The following MPPED2 variants were observed in gnomAD, a reference collection of about 807,000 sequenced individuals.
MPPED2 encodes metallophosphoesterase domain containing 2.
A neutral mutation model predicts 33.0 loss-of-function variants in MPPED2; 5 were observed. The ratio of observed to expected loss-of-function variants is 0.15; its 90% CI spans 0.08 to 0.32. The LOEUF (loss-of-function observed/expected upper bound fraction) is 0.32. Among genes scored for constraint, MPPED2 ranks in the 10% least tolerant of loss-of-function variants. The pLI is 1.00. For synonymous variants in MPPED2, 136 were observed against 141.9 expected (o/e 0.96, Z 0.29); for missense variants, 275 against 372.1 (o/e 0.74, Z 2.15).
chr11:30,497,879 T>C (rs551221502), intron 3 of MPPED2, among the ~76,000 whole-genome samples: 5 of 152,294 alleles, frequency 3.3e-5, no homozygotes, highest in African/African-American at 7.2e-5. Context: ...AACAAACTCA[T>C]CTTTTTCCGA....
rs562895013 is a variant in MPPED2 at position 30,448,015 on chromosome 11, A to G, written c.537-30382T>C. Among the ~76,000 whole-genome samples, 9 of 152,192 alleles carry G rather than the reference A, an allele frequency of 5.9e-5. No homozygotes were observed. In the East Asian group the frequency reaches 1.7e-3, roughly 29 times the overall value. Reference sequence around the variant, plus strand: ...CAGGGAGTTTACAAAACTGAAGCCCACTCTGAGATGTTTTCAGAGAGAAGC... The same window carrying G: ...CAGGGAGTTTACAAAACTGAAGCCCGCTCTGAGATGTTTTCAGAGAGAAGC... On this transcript the variant is annotated intron_variant, in intron 4 of 6. Transcript: ENST00000358117.
chr11:30,444,113 C>A (rs930601331), intron 4 of MPPED2, among the ~76,000 whole-genome samples: 1 of 152,168 alleles, frequency 6.6e-6, no homozygotes, highest in Non-Finnish European at 1.5e-5. Context: ...AAGCAAATGG[C>A]TATTCACTGG....
chr11:30,448,067 G>T (rs1415708375), intron 4 of MPPED2, among the ~76,000 whole-genome samples: 1 of 152,186 alleles, frequency 6.6e-6, no homozygotes, highest in African/African-American at 2.4e-5. Context: ...GGAAATCCCT[G>T]TCTGTTGTCA....
At chr11:30,506,383 T>C (rs1210880156) in intron 3 of MPPED2, among the ~76,000 whole-genome samples, 3 of 152,178 alleles carry the variant, frequency 2.0e-5, no homozygotes, top group East Asian at 3.9e-4. Flanking sequence ...TTTTGCAGTG[T>C]AACTTAGATC....
At chr11:30,556,067 A>G (rs1955949165) in intron 2 of MPPED2, among the ~76,000 whole-genome samples, 2 of 152,210 alleles carry the variant, frequency 1.3e-5, no homozygotes, top group South Asian at 4.1e-4. Flanking sequence ...TCCATGACTT[A>G]CGAGAGTGAG....
chr11:30,435,187 G>A (rs897206550), intron 4 of MPPED2, among the ~76,000 whole-genome samples: 8 of 152,152 alleles, frequency 5.3e-5, no homozygotes, highest in African/African-American at 1.4e-4. Context: ...TTTAGAAGGC[G>A]AGGGACCAGA....
At chr11:30,543,040 A>G (rs1955213895) in intron 2 of MPPED2, among the ~76,000 whole-genome samples, 1 of 152,208 alleles carries the variant, frequency 6.6e-6, no homozygotes, top group South Asian at 2.1e-4. Flanking sequence ...TGGATAATTT[A>G]CATGAGAAGT....
At chr11:30,482,057 T>C (rs1361125493) in intron 4 of MPPED2, among the ~76,000 whole-genome samples, 2 of 152,162 alleles carry the variant, frequency 1.3e-5, no homozygotes, top group African/African-American at 2.4e-5. Flanking sequence ...CAATTACTCA[T>C]AGACACACAT....
intron 4 of MPPED2, among the ~76,000 whole-genome samples, chr11:30,452,823 C>T (rs1446610549): frequency 6.6e-6 from 1 of 151,940 alleles, no homozygotes; most frequent in Non-Finnish European, 1.5e-5. Flanking sequence ...TCTCTGCCAA[C>T]ATTATTCTAC....
intron 4 of MPPED2, among the ~76,000 whole-genome samples, chr11:30,482,625 G>A (rs890304316): frequency 6.6e-6 from 1 of 151,896 alleles, no homozygotes; most frequent in Non-Finnish European, 1.5e-5. Context: ...TTTTGGTCTC[G>A]TTCAGATTAT....
intron 3 of MPPED2, among the ~76,000 whole-genome samples, chr11:30,521,571 A>G (rs1249456813): frequency 6.6e-6 from 1 of 152,198 alleles, no homozygotes; most frequent in Non-Finnish European, 1.5e-5. Flanking sequence ...AAACAAACCT[A>G]GTTTATTTGA....
chr11:30,446,432 G>T (rs1949811575), intron 4 of MPPED2, among the ~76,000 whole-genome samples: 1 of 152,052 alleles, frequency 6.6e-6, no homozygotes, highest in Non-Finnish European at 1.5e-5. Context: ...AAAAGTGCCA[G>T]ATGTTAGTAG....
At chr11:30,512,695 T>C (rs1251659439) in intron 3 of MPPED2, among the ~76,000 whole-genome samples, 4 of 152,178 alleles carry the variant, frequency 2.6e-5, no homozygotes, top group African/African-American at 9.6e-5. Flanking sequence ...TTCCAAATTA[T>C]GTACAAGTTA....
At chr11:30,477,374 TTA>T (rs1429071467) in intron 4 of MPPED2, among the ~76,000 whole-genome samples, 1 of 152,142 alleles carries the variant, frequency 6.6e-6, no homozygotes, top group Non-Finnish European at 1.5e-5. Context: ...TAGTCTTTTA[TTA>T]AACTGATGAA....
intron 2 of MPPED2, among the ~76,000 whole-genome samples, chr11:30,541,362 A>G (rs373805805): frequency 2.7e-4 from 41 of 152,284 alleles, no homozygotes; most frequent in African/African-American, 9.1e-4. Flanking sequence ...AAATGAATAC[A>G]GTATTGCAAA....
intron 6 of MPPED2, among the ~76,000 whole-genome samples, chr11:30,402,692 T>C (rs1324832205): frequency 1.3e-5 from 2 of 152,208 alleles, no homozygotes; most frequent in Non-Finnish European, 2.9e-5. Flanking sequence ...CATCTTAGCT[T>C]TTTATTAAGT....
Position 30,494,567 on chromosome 11 carries a change from G to A in MPPED2, c.536+729C>T, listed in dbSNP as rs140610241. ...AGCCTGGCCAACATGGTGAAACCCC[G>A]TCTCTACTAAAAATATGAAAATTAG... is the stretch of plus-strand genomic sequence containing the variant. On this transcript the variant is annotated intron_variant, in intron 4 of 6. Transcript: ENST00000358117. 7.6e-4 allele frequency among the ~76,000 whole-genome samples: 116 copies of A among 151,808 alleles called. 1 individual carries two copies. The highest frequency in any genetic ancestry group is 2.8e-3 in the African/African-American group (115 of 41,410).
intron 4 of MPPED2, among the ~76,000 whole-genome samples, chr11:30,486,390 C>T (rs1951743285): frequency 1.3e-5 from 2 of 152,210 alleles, no homozygotes; most frequent in Non-Finnish European, 2.9e-5. Context: ...AGAACTCAAT[C>T]ACTGAGAATT....
Position 30,429,974 on chromosome 11 carries a change from T to C in MPPED2, c.537-12341A>G, listed in dbSNP as rs78173914. On this transcript the variant is annotated intron_variant, in intron 4 of 6. Coordinates refer to ENST00000358117, the MANE Select transcript of MPPED2 (RefSeq NM_001584.3). ...CGTTGTGTTATGGGTATGTCTATCT[T>C]CTCCCAGTGGGTTGCAAACCATGTC... 4.6e-3 allele frequency among the ~76,000 whole-genome samples: 701 copies of C among 152,294 alleles called. 6 individuals are homozygous for C. The highest frequency in any genetic ancestry group is 0.016 in the African/African-American group (660 of 41,556).
Sources: allele counts gnomAD v4.1 joint callset (sites outside exome capture counted in the v4.1 genomes callset), GRCh38; gene constraint gnomAD v4.1.1; transcripts MANE v1.5; gene names NCBI Gene and HGNC (gene_info 2026-07-23, HGNC 2026-07-21).